Variants in PARG observed in about 807,000 individuals in gnomAD.
The protein encoded by PARG is poly(ADP-ribose) glycohydrolase.
Under a neutral mutation model 113.0 loss-of-function variants are expected in PARG, and 35 were observed. The observed-to-expected ratio is 0.31, with a 90% CI of 0.24 to 0.41. PARG has a LOEUF of 0.41. Among genes scored for constraint, PARG ranks in the 10% least tolerant of loss-of-function variants. The pLI, the probability that PARG is intolerant of heterozygous loss-of-function variation, is 1.00. For synonymous variants in PARG, 330 were observed against 409.9 expected (o/e 0.81, Z 2.36); for missense variants, 797 against 1,169.4 (o/e 0.68, Z 4.64).
intron 14 of PARG, among the ~76,000 whole-genome samples, chr10:49,842,301 A>G (rs1373158716): frequency 9.9e-5 from 15 of 152,240 alleles, no homozygotes; most frequent in African/African-American, 3.6e-4. Flanking sequence ...CAACACAATG[A>G]CATAGTGTAA....
At chr10:49,896,486 T>C (rs1848093320) in intron 7 of PARG, among the ~76,000 whole-genome samples, 1 of 152,206 alleles carries the variant, frequency 6.6e-6, no homozygotes, top group South Asian at 2.1e-4. Flanking sequence ...AGTTTTACTA[T>C]GTTGGCCAGG....
intron 12 of PARG, among the ~76,000 whole-genome samples, chr10:49,859,184 G>A (rs1554835536): frequency 6.8e-6 from 1 of 146,008 alleles, no homozygotes. Flanking sequence ...ACTATATGAG[G>A]GGAATGGTAA....
chr10:49,887,196 G>A (rs1847537114), intron 7 of PARG, among the ~76,000 whole-genome samples: 1 of 151,822 alleles, frequency 6.6e-6, no homozygotes. Context: ...GGACTATACA[G>A]GCCTTTTTGC....
intron 4 of PARG, among the ~76,000 whole-genome samples, chr10:49,926,700 A>C (rs1388846074): frequency 6.6e-6 from 1 of 152,204 alleles, no homozygotes; most frequent in Non-Finnish European, 1.5e-5. Flanking sequence ...CAAATCAAAG[A>C]ATCTCCGAAT....
rs557103889 is a variant in PARG at position 49,818,811 on chromosome 10, G to A, written c.*529C>T. ...TTTTAACCTAGGAGGTTTGCATTAT[G>A]CAACACATATGAAAAAAACCCTAAT... On this transcript the variant is annotated 3_prime_UTR_variant, in exon 18 of 18. Transcript: ENST00000616448. The A allele has an allele frequency of 6.6e-6, 1 of 152,352 alleles. No individual in the cohort carries two copies. Among genetic ancestry groups the A allele is most frequent in the African/African-American group, 2.4e-5 (1 of 41,520 alleles). 9.4% of individuals were successfully genotyped at this position (152,352 alleles called of 1,614,324 possible).
At chr10:49,867,701 AATTT>A (rs1179730158) in intron 10 of PARG, among the ~76,000 whole-genome samples, 6 of 150,092 alleles carry the variant, frequency 4.0e-5, no homozygotes, top group African/African-American at 1.5e-4. Flanking sequence ...GTCTAGTTAT[AATTT>A]ATTTCTTCAA....
chr10:49,900,683 T>C (rs1318486892), intron 7 of PARG, among the ~76,000 whole-genome samples: 35 of 152,192 alleles, frequency 2.3e-4, no homozygotes, highest in Admixed American at 2.3e-3. Flanking sequence ...AGAATTTACT[T>C]CTCAGTACTA....
At chr10:49,853,806 C>T (rs1171238467) in intron 13 of PARG, among the ~76,000 whole-genome samples, 2 of 151,992 alleles carry the variant, frequency 1.3e-5, no homozygotes, top group African/African-American at 4.8e-5. Context: ...CCTTACTTCA[C>T]CAAAAAAGCA....
chr10:49,941,045 A>G (rs1839022993), intron 1 of PARG, among the ~76,000 whole-genome samples: 1 of 152,216 alleles, frequency 6.6e-6, no homozygotes, highest in East Asian at 1.9e-4. Context: ...TTAAGGTATG[A>G]AGGCAGAGGC....
chr10:49,892,449 G>GT (rs1202518954), intron 7 of PARG, among the ~76,000 whole-genome samples: 1 of 151,890 alleles, frequency 6.6e-6, no homozygotes, highest in East Asian at 1.9e-4. Context: ...TCTACAACTT[G>GT]TTTTTGCCTT....
intron 16 of PARG, among the ~76,000 whole-genome samples, chr10:49,832,591 G>T (rs1844725035): frequency 6.6e-6 from 1 of 152,146 alleles, no homozygotes; most frequent in Non-Finnish European, 1.5e-5. Flanking sequence ...GTGTCTGGGG[G>T]ATCAAAGTGA....
Position 49,941,943 on chromosome 10 carries a change from A to T in PARG, c.-218T>A, listed in dbSNP as rs1435004217. 36 of 959,424 alleles carry T rather than the reference A, an allele frequency of 3.8e-5. No homozygotes were observed. Among genetic ancestry groups the T allele is most frequent in the Admixed American group, 3.6e-4 (18 of 49,726 alleles). 59.4% of individuals were successfully genotyped at this position (959,424 alleles called of 1,614,324 possible). ...TTCCACTGGCACCCCACCTGCCTCA[A>T]TGCGCCGCTTTGATTCGGGATTCGT... On this transcript the variant is annotated 5_prime_UTR_variant, in exon 1 of 18. It adds an upstream start codon to the 5' untranslated region. Coordinates refer to ENST00000616448, the MANE Select transcript of PARG (RefSeq NM_003631.5).
intron 8 of PARG, among the ~76,000 whole-genome samples, chr10:49,880,455 T>C (rs1554839242): frequency 6.6e-6 from 1 of 152,222 alleles, no homozygotes; most frequent in Non-Finnish European, 1.5e-5. Flanking sequence ...TCAAGGAAGA[T>C]GTAAGACATT....
chr10:49,821,265 G>A (rs1484065240), intron 16 of PARG, among the ~76,000 whole-genome samples: 1 of 152,206 alleles, frequency 6.6e-6, no homozygotes, highest in Non-Finnish European at 1.5e-5. Context: ...AATCTCAATA[G>A]ATAGGATTTT....
chr10:49,934,932 T>A (rs1268141317), intron 2 of PARG, 144 bp downstream of exon 2: 4 of 613,516 alleles, frequency 6.5e-6, no homozygotes, highest in Non-Finnish European at 1.2e-5. Context: ...CAGGACTCTC[T>A]AAAAAATTAC....
intron 2 of PARG, among the ~76,000 whole-genome samples, chr10:49,934,869 A>G (rs1838673840): frequency 6.6e-6 from 1 of 151,940 alleles, no homozygotes; most frequent in Non-Finnish European, 1.5e-5. Context: ...AAAGACACAG[A>G]CTATTCCTCT....
intron 7 of PARG, among the ~76,000 whole-genome samples, chr10:49,903,404 C>T (rs1459949462): frequency 6.6e-6 from 1 of 152,008 alleles, no homozygotes; most frequent in Non-Finnish European, 1.5e-5. Context: ...CTAAATCTCT[C>T]GGTAAGTGAT....
At chr10:49,941,134 C>A (rs1418112897) in intron 1 of PARG, among the ~76,000 whole-genome samples, 1 of 152,146 alleles carries the variant, frequency 6.6e-6, no homozygotes, top group Non-Finnish European at 1.5e-5. Context: ...ACCCTGGGAC[C>A]CAGAATCTGA....
At chr10:49,831,826 T>C (rs906265076) in intron 16 of PARG, among the ~76,000 whole-genome samples, 2 of 152,108 alleles carry the variant, frequency 1.3e-5, no homozygotes, top group Non-Finnish European at 1.5e-5. Flanking sequence ...GTCATTCTAG[T>C]AAATTATGGA....
Sources: allele counts gnomAD v4.1 joint callset (sites outside exome capture counted in the v4.1 genomes callset), GRCh38; gene constraint gnomAD v4.1.1; transcripts MANE v1.5; gene names NCBI Gene and HGNC (gene_info 2026-07-23, HGNC 2026-07-21).